DYNC1I1: variants seen among roughly 807,000 people sequenced by gnomAD.
DYNC1I1 encodes cytoplasmic dynein 1 intermediate chain 1.
A neutral mutation model predicts 86.6 loss-of-function variants in DYNC1I1; 43 were observed. The ratio of observed to expected loss-of-function variants is 0.50; its 90% confidence interval spans 0.39 to 0.64. The LOEUF (loss-of-function observed/expected upper bound fraction) is 0.64. DYNC1I1 is among the 30% of genes least tolerant of loss of function. The pLI is 0.00. For missense variants in DYNC1I1, 604 were observed against 788.8 expected (o/e 0.77, Z 2.81); for synonymous variants, 262 against 283.7 (o/e 0.92, Z 0.77).
intron 16 of DYNC1I1, among the ~76,000 whole-genome samples, chr7:96,105,291 C>T (rs933164670): frequency 6.6e-6 from 1 of 151,692 alleles, no homozygotes; most frequent in East Asian, 1.9e-4. Context: ...CTTTTCCAAT[C>T]TTATCTTTTT....
chr7:95,978,299 A>C (rs1487743538), intron 7 of DYNC1I1, among the ~76,000 whole-genome samples: 1 of 152,214 alleles, frequency 6.6e-6, no homozygotes, highest in East Asian at 1.9e-4. Context: ...TTTAGAGTTA[A>C]ATCCAAAGTT....
At chr7:95,824,903 A>G in intron 4 of DYNC1I1, among the ~76,000 whole-genome samples, 1 of 152,232 alleles carries the variant, frequency 6.6e-6, no homozygotes, top group East Asian at 1.9e-4. Context: ...AACACAAACA[A>G]CTTTTGCCCA....
intron 10 of DYNC1I1, 140 bp downstream of exon 10, chr7:95,996,213 C>G (rs1793863994): frequency 7.8e-7 from 1 of 1,283,894 alleles, no homozygotes; most frequent in South Asian, 1.5e-5. Flanking sequence ...AATTCCCCCA[C>G]AGTAACCTAA....
chr7:95,934,619 A>G (rs1390286812), intron 6 of DYNC1I1, among the ~76,000 whole-genome samples: 1 of 152,164 alleles, frequency 6.6e-6, no homozygotes, highest in Non-Finnish European at 1.5e-5. Flanking sequence ...CCAAAGTCAT[A>G]GAATAAAGAA....
At chr7:95,926,946 A>T (rs2116396106) in intron 6 of DYNC1I1, among the ~76,000 whole-genome samples, 1 of 152,236 alleles carries the variant, frequency 6.6e-6, no homozygotes, top group East Asian at 1.9e-4. Flanking sequence ...TAGTTTTTTC[A>T]TTTGTTAAGG....
intron 6 of DYNC1I1, among the ~76,000 whole-genome samples, chr7:95,882,293 C>A (rs1429062926): frequency 6.6e-6 from 1 of 152,108 alleles, no homozygotes; most frequent in Non-Finnish European, 1.5e-5. Context: ...TTTATGGATA[C>A]CAATTTTCCC....
chr7:96,048,448 G>T (rs1789286255), intron 14 of DYNC1I1, among the ~76,000 whole-genome samples: 1 of 152,102 alleles, frequency 6.6e-6, no homozygotes, highest in Non-Finnish European at 1.5e-5. Context: ...AGAAGCAACA[G>T]CATTACCTGG....
At chr7:96,072,508 A>C (rs1448048351) in intron 14 of DYNC1I1, among the ~76,000 whole-genome samples, 1 of 152,174 alleles carries the variant, frequency 6.6e-6, no homozygotes, top group Non-Finnish European at 1.5e-5. Flanking sequence ...TCATTTACTA[A>C]CTGGCCTTGA....
intron 6 of DYNC1I1, among the ~76,000 whole-genome samples, chr7:95,880,262 G>A (rs2116221036): frequency 6.6e-6 from 1 of 152,178 alleles, no homozygotes; most frequent in South Asian, 2.1e-4. Flanking sequence ...CACACTTCCT[G>A]TCCACATCTG....
At chr7:95,837,834 T>C (rs997459572) in intron 5 of DYNC1I1, among the ~76,000 whole-genome samples, 529 of 152,302 alleles carry the variant, frequency 3.5e-3, no homozygotes, top group African/African-American at 0.012. Context: ...GGCTCGCGCA[T>C]GGTGCGCGCA....
At chr7:95,795,380 G>T (rs565002510) in intron 1 of DYNC1I1, among the ~76,000 whole-genome samples, 44 of 151,988 alleles carry the variant, frequency 2.9e-4, no homozygotes, top group Middle Eastern at 3.4e-3. Flanking sequence ...GCTGGTACTG[G>T]ATTATATAAT....
chr7:95,896,016 G>A (rs1790874148), intron 6 of DYNC1I1, among the ~76,000 whole-genome samples: 1 of 152,152 alleles, frequency 6.6e-6, no homozygotes, highest in Non-Finnish European at 1.5e-5. Context: ...AGAAGAGCCG[G>A]CAGAAGGCAT....
At chr7:96,084,319 GA>G (rs5885940) in intron 16 of DYNC1I1, among the ~76,000 whole-genome samples, 42 of 141,938 alleles carry the variant, frequency 3.0e-4, no homozygotes, top group Admixed American at 5.6e-4. Flanking sequence ...AGGCAAATCA[GA>G]AAAAAAAAAA....
At chr7:95,859,315 T>G (rs1430388066) in intron 5 of DYNC1I1, among the ~76,000 whole-genome samples, 1 of 152,112 alleles carries the variant, frequency 6.6e-6, no homozygotes, top group East Asian at 1.9e-4. Context: ...ATATATCTCC[T>G]TTTCTGTAGG....
Position 95,777,070 on chromosome 7 carries a change from A to G in DYNC1I1, c.-10+4297A>G, listed in dbSNP as rs980442819. Among the ~76,000 whole-genome samples, 8 of 152,284 alleles carry G rather than the reference A, an allele frequency of 5.3e-5. 1 individual carries two copies. The South Asian group carries it at 1.7e-3, about 32-fold the overall frequency. ...CTCATAGTTTCTCTGCCTGTGTGGGACACCAAAAAAAGTATTGTTTAGTGT... is the reference window on the plus strand; with the variant it reads ...CTCATAGTTTCTCTGCCTGTGTGGGGCACCAAAAAAAGTATTGTTTAGTGT... On this transcript the variant is annotated intron_variant, in intron 1 of 16. Coordinates refer to ENST00000447467, the MANE Select transcript of DYNC1I1 (RefSeq NM_001135556.2).
intron 4 of DYNC1I1, among the ~76,000 whole-genome samples, chr7:95,816,045 T>C (rs1794939332): frequency 1.3e-5 from 2 of 151,888 alleles, no homozygotes; most frequent in South Asian, 4.1e-4. Context: ...AAAGAGACCG[T>C]CTTGCTCCAT....
At chr7:95,878,929 T>A in intron 6 of DYNC1I1, among the ~76,000 whole-genome samples, 1 of 137,108 alleles carries the variant, frequency 7.3e-6, no homozygotes, top group African/African-American at 2.7e-5. Flanking sequence ...TGTGGTGTAT[T>A]CCTAGTGCCC....
chr7:95,813,409 T>C (rs2115844742), intron 4 of DYNC1I1, 72 bp downstream of exon 4: 1 of 1,512,658 alleles, frequency 6.6e-7, no homozygotes, highest in Non-Finnish European at 8.9e-7. Flanking sequence ...ACAACACCAC[T>C]GTTAGAATAC....
intron 6 of DYNC1I1, among the ~76,000 whole-genome samples, chr7:95,915,219 A>G (rs906034844): frequency 6.6e-6 from 1 of 152,318 alleles, no homozygotes; most frequent in East Asian, 1.9e-4. Flanking sequence ...AGTAATAGCT[A>G]TCATTCATTG....
Sources: gnomAD v4.1 joint callset for allele counts (sites outside exome capture counted in the v4.1 genomes callset) on GRCh38, gnomAD v4.1.1 for gene constraint, MANE v1.5 for transcripts, NCBI Gene and HGNC (gene_info 2026-07-23, HGNC 2026-07-21) for gene names.